Variants in BTBD9 observed in about 807,000 individuals in gnomAD.
BTBD9 encodes the protein BTB domain containing 9.
In BTBD9, 49 loss-of-function variants were observed where a neutral mutation model predicts 64.3. The ratio of observed to expected loss-of-function variants is 0.76; its 90% CI spans 0.61 to 0.97. The LOEUF is 0.97. BTBD9 is among the 50% of genes least tolerant of loss of function. The pLI, the probability that BTBD9 is intolerant of heterozygous loss-of-function variation, is 0.00. For synonymous variants in BTBD9, 260 were observed against 274.7 expected (o/e 0.95, Z 0.53); for missense variants, 598 against 762.1 (o/e 0.78, Z 2.53).
At chr6:38,175,209 T>C (rs770243051) in intron 10 of BTBD9, 27 bp from the exon 11 acceptor site, 38 of 1,612,856 alleles carry the variant, frequency 2.4e-5, no homozygotes, top group South Asian at 1.6e-4. Context: ...AAAGACCCCA[T>C]GAGTGAAGGG....
At chr6:38,633,862 A>T (rs1215106661) in intron 1 of BTBD9, among the ~76,000 whole-genome samples, 1 of 152,046 alleles carries the variant, frequency 6.6e-6, no homozygotes, top group East Asian at 1.9e-4. Flanking sequence ...CCTTGAATAC[A>T]TAAGGCTGAA....
At chr6:38,449,069 A>G (rs1769405455) in intron 6 of BTBD9, among the ~76,000 whole-genome samples, 2 of 152,174 alleles carry the variant, frequency 1.3e-5, no homozygotes, top group South Asian at 4.1e-4. Flanking sequence ...GAAAGAACTC[A>G]AAACCAAAAC....
At chr6:38,595,008 A>G (rs1171416764) in intron 2 of BTBD9, among the ~76,000 whole-genome samples, 2 of 152,244 alleles carry the variant, frequency 1.3e-5, no homozygotes. Flanking sequence ...CAACATGGTT[A>G]AAAAAACTGT....
intron 1 of BTBD9, among the ~76,000 whole-genome samples, chr6:38,624,455 G>A (rs1778105661): frequency 6.6e-6 from 1 of 152,028 alleles, no homozygotes; most frequent in Admixed American, 6.6e-5. Context: ...GAGAGACCAC[G>A]AACCCACTGG....
chr6:38,332,466 G>T (rs1763716624), intron 7 of BTBD9, among the ~76,000 whole-genome samples: 1 of 152,030 alleles, frequency 6.6e-6, no homozygotes, highest in African/African-American at 2.4e-5. Flanking sequence ...TACACATACT[G>T]GGATCTAATT....
intron 1 of BTBD9, among the ~76,000 whole-genome samples, chr6:38,612,572 G>A (rs1777645800): frequency 1.3e-5 from 2 of 152,132 alleles, no homozygotes; most frequent in South Asian, 4.1e-4. Context: ...TGCAATATCT[G>A]GTGGCCAGTC....
At chr6:38,614,684 C>T (rs2127516734) in intron 1 of BTBD9, among the ~76,000 whole-genome samples, 1 of 152,298 alleles carries the variant, frequency 6.6e-6, no homozygotes, top group South Asian at 2.1e-4. Context: ...AATCCATCAG[C>T]AAGTCTTTTG....
intron 6 of BTBD9, among the ~76,000 whole-genome samples, chr6:38,379,279 A>G (rs1368238530): frequency 6.6e-6 from 1 of 152,184 alleles, no homozygotes; most frequent in Admixed American, 6.5e-5. Flanking sequence ...TATCTTGCAA[A>G]AGGAGATAGG....
At chr6:38,300,055 T>C (rs1420296587) in intron 7 of BTBD9, among the ~76,000 whole-genome samples, 4 of 152,130 alleles carry the variant, frequency 2.6e-5, no homozygotes, top group South Asian at 2.1e-4. Flanking sequence ...GGAAGGGATC[T>C]AGTTTCAGCT....
intron 6 of BTBD9, among the ~76,000 whole-genome samples, chr6:38,412,879 A>G (rs1767499923): frequency 6.6e-6 from 1 of 151,890 alleles, no homozygotes; most frequent in African/African-American, 2.4e-5. Context: ...CAACAACAAC[A>G]ACAACAAAAC....
At chr6:38,364,722 G>A (rs1166395603) in intron 6 of BTBD9, among the ~76,000 whole-genome samples, 1 of 152,134 alleles carries the variant, frequency 6.6e-6, no homozygotes, top group African/African-American at 2.4e-5. Flanking sequence ...CCAAACCCAG[G>A]TAACCTAAAG....
intron 6 of BTBD9, among the ~76,000 whole-genome samples, chr6:38,453,150 T>C (rs1769635943): frequency 1.3e-5 from 2 of 152,160 alleles, no homozygotes; most frequent in Admixed American, 1.3e-4. Flanking sequence ...GTAATAGTTT[T>C]ATACCAGCAG....
chr6:38,566,549 A>G (rs1775524625), intron 6 of BTBD9, among the ~76,000 whole-genome samples: 1 of 152,224 alleles, frequency 6.6e-6, no homozygotes, highest in Non-Finnish European at 1.5e-5. Context: ...CCTTGAAATC[A>G]AAGAAAACAA....
Position 38,355,312 on chromosome 6 carries a change from G to A in BTBD9, c.1155-10219C>T, listed in dbSNP as rs76026981. Among the ~76,000 whole-genome samples, 148 of 152,300 alleles carry A rather than the reference G, an allele frequency of 9.7e-4. 4 individuals carry two copies. The East Asian group carries it at 0.016, about 16-fold the overall frequency. ...ATTTCCCCAGATGTACACTTTATGT[G>A]TTAGGAGTCCTATGCACTGTTGAAG... On this transcript the variant is annotated intron_variant, in intron 6 of 10. Coordinates refer to ENST00000481247, the MANE Select transcript of BTBD9 (RefSeq NM_001099272.2).
intron 1 of BTBD9, among the ~76,000 whole-genome samples, chr6:38,617,748 C>G (rs1441616429): frequency 6.6e-6 from 1 of 152,174 alleles, no homozygotes; most frequent in African/African-American, 2.4e-5. Context: ...GAAATCCCTT[C>G]CCTCCCTCAG....
chr6:38,461,702 T>C (rs1416535867), intron 6 of BTBD9, among the ~76,000 whole-genome samples: 2 of 152,210 alleles, frequency 1.3e-5, no homozygotes, highest in Admixed American at 6.5e-5. Flanking sequence ...GGCTGAATCA[T>C]ATGTAGGTAT....
intron 7 of BTBD9, among the ~76,000 whole-genome samples, chr6:38,325,518 C>T (rs1463962007): frequency 1.3e-5 from 2 of 152,006 alleles, no homozygotes; most frequent in Non-Finnish European, 2.9e-5. Context: ...ACCCTGTCTC[C>T]ACTAAAAATA....
chr6:38,525,777 T>A (rs1773461301), intron 6 of BTBD9, among the ~76,000 whole-genome samples: 1 of 152,186 alleles, frequency 6.6e-6, no homozygotes, highest in Non-Finnish European at 1.5e-5. Context: ...GGGAGATGAT[T>A]TCTTCTGGAG....
At chr6:38,326,063 G>A (rs1206631892) in intron 7 of BTBD9, among the ~76,000 whole-genome samples, 3 of 152,120 alleles carry the variant, frequency 2.0e-5, no homozygotes, top group Non-Finnish European at 2.9e-5. Context: ...CCAAGACTAG[G>A]GGTAGGGGGG....
Sources: allele counts gnomAD v4.1 joint callset (sites outside exome capture counted in the v4.1 genomes callset), GRCh38; gene constraint gnomAD v4.1.1; transcripts MANE v1.5; gene names NCBI Gene and HGNC (gene_info 2026-07-23, HGNC 2026-07-21).